The following BCL7C variants were observed in gnomAD, a reference collection of about 807,000 sequenced individuals.
The protein encoded by BCL7C is BAF chromatin remodeling complex subunit BCL7C, also known as B-cell CLL/lymphoma 7 protein family member C.
In BCL7C, 8 loss-of-function variants were observed where a neutral mutation model predicts 26.2. The observed-to-expected ratio is 0.30, with a 90% CI of 0.18 to 0.55. The LOEUF is 0.55. Ranked by LOEUF, BCL7C falls within the 20% of genes least tolerant of loss-of-function variation. The pLI is 0.93. For synonymous variants in BCL7C, 90 were observed against 116.5 expected, an observed-to-expected ratio of 0.77 and a Z score of 1.47; for missense variants, 262 against 298.5, an observed-to-expected ratio of 0.88 and a Z score of 0.90.
chr16:30,840,300 C>G (rs958291614), intron 5 of BCL7C, among the ~76,000 whole-genome samples: 3 of 151,308 alleles, frequency 2.0e-5, no homozygotes, highest in Non-Finnish European at 4.4e-5. Context: ...TCATTGCAAC[C>G]TCTGCCTCCC....
At chr16:30,876,483 C>G (rs2054951664) in intron 5 of BCL7C, among the ~76,000 whole-genome samples, 2 of 152,188 alleles carry the variant, frequency 1.3e-5, no homozygotes, top group Admixed American at 6.5e-5. Context: ...TGCTTTCATT[C>G]ATTTATCATT....
chr16:30,854,268 G>T (rs538899057), intron 5 of BCL7C, among the ~76,000 whole-genome samples: 1 of 152,270 alleles, frequency 6.6e-6, no homozygotes, highest in South Asian at 2.1e-4. Context: ...GCAAAATCTT[G>T]AAAAATATAT....
At chr16:30,853,633 C>G (rs989048839) in intron 5 of BCL7C, among the ~76,000 whole-genome samples, 1 of 152,184 alleles carries the variant, frequency 6.6e-6, no homozygotes, top group African/African-American at 2.4e-5. Context: ...TATGGGGGTC[C>G]GTGTTTTCAA....
intron 5 of BCL7C, among the ~76,000 whole-genome samples, chr16:30,843,313 C>T (rs2054613919): frequency 6.6e-6 from 1 of 152,168 alleles, no homozygotes; most frequent in Non-Finnish European, 1.5e-5. Context: ...GTAATCCCAG[C>T]ACTTTGGGAG....
At chr16:30,855,934 C>T (rs1378285863) in intron 5 of BCL7C, among the ~76,000 whole-genome samples, 7 of 151,298 alleles carry the variant, frequency 4.6e-5, no homozygotes, top group South Asian at 4.2e-4. Flanking sequence ...GTGGTGCAGG[C>T]GCCTGTAATC....
intron 5 of BCL7C, among the ~76,000 whole-genome samples, chr16:30,869,117 C>T (rs573798545): frequency 3.9e-5 from 6 of 152,086 alleles, no homozygotes; most frequent in South Asian, 2.1e-4. Flanking sequence ...GAAAGAGTGC[C>T]GAGCTTGAAG....
intron 5 of BCL7C, among the ~76,000 whole-genome samples, chr16:30,873,952 T>TACACACACACAC (rs1349262274): frequency 1.4e-4 from 1 of 7,324 alleles, no homozygotes; most frequent in Non-Finnish European, 3.3e-4. Flanking sequence ...TAGATATATG[T>TACACACACACAC]ATACACACAC....
At chr16:30,892,381 A>C (rs1446599895) in intron 4 of BCL7C, among the ~76,000 whole-genome samples, 1 of 152,132 alleles carries the variant, frequency 6.6e-6, no homozygotes, top group African/African-American at 2.4e-5. Flanking sequence ...AATTTACATG[A>C]AAATCTCAGA....
chr16:30,866,164 C>T (rs564664042), intron 5 of BCL7C, among the ~76,000 whole-genome samples: 27 of 152,176 alleles, frequency 1.8e-4, no homozygotes, highest in African/African-American at 6.0e-4. Context: ...CAGCGTCTTT[C>T]AGGGAGTGAT....
intron 5 of BCL7C, among the ~76,000 whole-genome samples, chr16:30,841,477 G>A (rs572536573): frequency 6.6e-6 from 1 of 152,182 alleles, no homozygotes; most frequent in Non-Finnish European, 1.5e-5. Context: ...AAGGTTTGCT[G>A]AGGGCCATCA....
chr16:30,865,698 A>C (rs867900035), intron 5 of BCL7C, among the ~76,000 whole-genome samples: 26 of 149,350 alleles, frequency 1.7e-4, no homozygotes, highest in Middle Eastern at 7.0e-3. Context: ...CTGACATTTT[A>C]CCGTGCACAT....
In BCL7C at chr16:30,893,362, T is replaced by C. The variant is rs2055288662; in HGVS notation, c.93-72A>G. ...CACCCCCCTAGGAGCTGGACACATC[T>C]GGGGGTACCTGCAGAGGTTGAGGAG... On this transcript the variant is annotated intron_variant, in intron 1 of 5. Coordinates refer to ENST00000215115, the MANE Select transcript of BCL7C (RefSeq NM_004765.4). This position sits in a 1 kb window ranked among gnomAD's most constrained non-coding sequence, Gnocchi z 5.2. 3 of 1,230,492 alleles carry C rather than the reference T, an allele frequency of 2.4e-6. No individual in the cohort carries two copies. Among genetic ancestry groups the C allele is most frequent in the Non-Finnish European group, 3.5e-6 (3 of 861,924 alleles). The allele number at this position is 1,230,492 out of a possible 1,614,324, so 76.2% of individuals were successfully genotyped here.
At chr16:30,854,591 T>C (rs1268017562) in intron 5 of BCL7C, among the ~76,000 whole-genome samples, 2 of 152,272 alleles carry the variant, frequency 1.3e-5, no homozygotes, top group East Asian at 3.9e-4. Flanking sequence ...GGAAGTTTCA[T>C]CCATATTGAA....
At chr16:30,853,179 C>G (rs2151366026) in intron 5 of BCL7C, among the ~76,000 whole-genome samples, 1 of 152,152 alleles carries the variant, frequency 6.6e-6, no homozygotes, top group Non-Finnish European at 1.5e-5. Flanking sequence ...CTCAAGTGAT[C>G]CACCCACCTC....
Position 30,887,907 on chromosome 16 carries a change from G to A in BCL7C, c.612C>T (p.Ala204=). Residue 204 remains alanine, a synonymous_variant, in exon 6 of 6, where the codon GCC becomes GCT. Transcript: ENST00000215115. ...AQGDTEDSEG[A]PPLKRICPNA... is the part of the protein sequence containing the mutation. ...TTGGGCAGATGCGCTTGAGTGGGGGGGCACCCTCCGAGTCCTCTGTGTCAC... is the reference window on the plus strand; with the variant it reads ...TTGGGCAGATGCGCTTGAGTGGGGGAGCACCCTCCGAGTCCTCTGTGTCAC... The A allele has an allele frequency of 6.2e-7, 1 of 1,602,920 alleles. No individual in the cohort carries two copies. The highest frequency in any genetic ancestry group is 8.5e-7 in the Non-Finnish European group (1 of 1,175,336).
intron 5 of BCL7C, among the ~76,000 whole-genome samples, chr16:30,865,389 C>T (rs754034700): frequency 2.0e-5 from 3 of 151,702 alleles, no homozygotes; most frequent in Non-Finnish European, 4.4e-5. Context: ...CACCCGGAAG[C>T]GTGTGACAGT....
intron 5 of BCL7C, among the ~76,000 whole-genome samples, chr16:30,861,345 A>G (rs2054770441): frequency 6.6e-6 from 1 of 152,190 alleles, no homozygotes; most frequent in South Asian, 2.1e-4. Context: ...AACCCCAGCC[A>G]TATCTCCAGC....
chr16:30,889,057 G>A, intron 4 of BCL7C, 112 bp from the exon 5 acceptor site: 1 of 1,043,058 alleles, frequency 9.6e-7, no homozygotes, highest in Non-Finnish European at 1.5e-6. Context: ...AGAGGGCCAT[G>A]GGAGCAGAGA....
intron 5 of BCL7C, among the ~76,000 whole-genome samples, chr16:30,866,376 A>C (rs1469057395): frequency 6.6e-6 from 1 of 152,074 alleles, no homozygotes; most frequent in Non-Finnish European, 1.5e-5. Context: ...CAGGAGTTTG[A>C]GACCAGCCTG....
Sources: gnomAD v4.1 joint callset for allele counts (sites outside exome capture counted in the v4.1 genomes callset) on GRCh38, gnomAD v4.1.1 for gene constraint, Gnocchi (gnomAD v3.1) non-coding constraint, MANE v1.5 for transcripts, NCBI Gene and HGNC (gene_info 2026-07-23, HGNC 2026-07-21) for gene names.